The following JAK2 variants were observed in gnomAD, a reference collection of about 807,000 sequenced individuals.
The protein encoded by JAK2 is Janus kinase 2, also known as tyrosine-protein kinase JAK2.
A neutral mutation model predicts 139.3 loss-of-function variants in JAK2; 86 were observed. The observed-to-expected ratio is 0.62, with a 90% CI of 0.52 to 0.74. The LOEUF (loss-of-function observed/expected upper bound fraction) is 0.74, where lower values mean the gene tolerates loss of function less well. Ranked by LOEUF, JAK2 falls within the 30% of genes least tolerant of loss-of-function variation. The pLI is 0.00. For synonymous variants in JAK2, 490 were observed against 437.7 expected, an observed-to-expected ratio of 1.12 and a Z score of -1.49; for missense variants, 1,421 against 1,360.3, an observed-to-expected ratio of 1.04 and a Z score of -0.70.
intron 2 of JAK2, among the ~76,000 whole-genome samples, chr9:5,020,769 G>T (rs1488587912): frequency 6.6e-6 from 1 of 152,136 alleles, no homozygotes; most frequent in East Asian, 1.9e-4. Flanking sequence ...AATGGCTTGT[G>T]CTTTGGTCCC....
intron 3 of JAK2, 66 bp downstream of exon 3, chr9:5,022,279 C>T (rs1822481136): frequency 2.9e-6 from 3 of 1,029,376 alleles, no homozygotes; most frequent in East Asian, 4.8e-5. Flanking sequence ...TATGCTAATA[C>T]TAGGTACATG....
intron 23 of JAK2, among the ~76,000 whole-genome samples, chr9:5,124,237 G>T (rs573053972): frequency 1.3e-5 from 2 of 151,468 alleles, no homozygotes; most frequent in African/African-American, 4.8e-5. Flanking sequence ...GTCTATTTTT[G>T]GTTTTGTTGC....
intron 22 of JAK2, among the ~76,000 whole-genome samples, chr9:5,117,596 A>G (rs1335333982): frequency 6.6e-6 from 1 of 152,198 alleles, no homozygotes; most frequent in Non-Finnish European, 1.5e-5. Flanking sequence ...CTCTTATCAA[A>G]GTTTATTTTG....
intron 5 of JAK2, among the ~76,000 whole-genome samples, chr9:5,050,019 ACATGGCTATT>A (rs1817301897): frequency 1.3e-5 from 2 of 152,240 alleles, no homozygotes; most frequent in Non-Finnish European, 2.9e-5. Flanking sequence ...GTTATGGGGC[ACATGGCTATT>A]TCTTTGTATC....
chr9:5,076,230 G>T (rs887522801), intron 14 of JAK2, among the ~76,000 whole-genome samples: 2 of 152,204 alleles, frequency 1.3e-5, no homozygotes, highest in African/African-American at 4.8e-5. Flanking sequence ...AAACTTGATT[G>T]ATCAAGCAGT....
chr9:5,103,849 A>C (rs898642344), intron 22 of JAK2, among the ~76,000 whole-genome samples: 5 of 152,230 alleles, frequency 3.3e-5, no homozygotes, highest in African/African-American at 1.2e-4. Context: ...GACAGATATA[A>C]AGATGTTCTT....
chr9:5,115,215 C>G (rs887095879), intron 22 of JAK2, among the ~76,000 whole-genome samples: 3 of 151,872 alleles, frequency 2.0e-5, no homozygotes, highest in African/African-American at 7.3e-5. Context: ...AACAAGTTCA[C>G]AAGAAAAAAA....
chr9:5,033,790 C>G (rs1046469747), intron 4 of JAK2, among the ~76,000 whole-genome samples: 1 of 152,118 alleles, frequency 6.6e-6, no homozygotes, highest in African/African-American at 2.4e-5. Flanking sequence ...AAAAACACGC[C>G]AAATTGTAAA....
intron 22 of JAK2, chr9:5,098,384 C>G: frequency 6.6e-6 from 1 of 152,182 alleles, no homozygotes. Context: ...GCTACATCCC[C>G]TATCATAGAA....
At chr9:5,107,798 C>T (rs181624994) in intron 22 of JAK2, 3 of 152,198 alleles carry the variant, frequency 2.0e-5, no homozygotes, top group African/African-American at 7.2e-5. Context: ...ACATTTTACT[C>T]TAGCATCTAT....
intron 2 of JAK2, among the ~76,000 whole-genome samples, chr9:4,998,792 G>C (rs772324959): frequency 6.6e-5 from 10 of 151,712 alleles, no homozygotes; most frequent in Non-Finnish European, 1.5e-4. Context: ...ACATTTTGCA[G>C]AATAATTTAT....
At chr9:5,123,209 T>G (rs754192992) in intron 23 of JAK2, 88 bp downstream of exon 23, 9 of 749,864 alleles carry the variant, frequency 1.2e-5, no homozygotes, top group Non-Finnish European at 2.0e-5. Flanking sequence ...TTTTGCTACA[T>G]GCATACATTG....
Position 5,126,880 on chromosome 9 carries a change from A to G in JAK2, c.*89A>G, listed in dbSNP as rs1392247153. On this transcript the variant is annotated 3_prime_UTR_variant, in exon 25 of 25. Coordinates refer to ENST00000381652, the MANE Select transcript of JAK2 (RefSeq NM_004972.4). ...GCTGTGGACTATTATTACATATATC[A>G]TTATTATATAAATCATGATGCTAGC... 8.0e-6 allele frequency: 5 copies of G among 626,158 alleles called. No homozygotes were observed. Among genetic ancestry groups the G allele is most frequent in the East Asian group, 3.1e-5 (1 of 31,934 alleles). The allele number at this position is 626,158 out of a possible 1,614,324, so 38.8% of individuals were successfully genotyped here. A position where few individuals can be genotyped will look rare whatever the true frequency, so the allele number is the denominator to read the frequency against.
intron 3 of JAK2, among the ~76,000 whole-genome samples, chr9:5,025,582 G>T (rs1822731852): frequency 6.8e-6 from 1 of 147,646 alleles, no homozygotes; most frequent in African/African-American, 2.5e-5. Context: ...TGCCCAGGCT[G>T]GAGTGCAGCA....
Position 5,114,357 on chromosome 9 carries a change from T to A in JAK2, c.3060-8647T>A, listed in dbSNP as rs550524224. On this transcript the variant is annotated intron_variant, in intron 22 of 24. Coordinates refer to ENST00000381652, the MANE Select transcript of JAK2 (RefSeq NM_004972.4). ...GGTCATCCTAAGGCAAGAGAAGCAG[T>A]GCAATGGCACGTTCACCATCACGTC... The A allele has an allele frequency of 4.1e-5, 22 of 535,222 alleles. No individual in the cohort carries two copies. The Admixed American group carries it at 4.4e-4, about 11-fold the overall frequency. 33.2% of individuals were successfully genotyped at this position (535,222 alleles called of 1,614,324 possible). A position where few individuals can be genotyped will look rare whatever the true frequency, so the allele number is the denominator to read the frequency against.
chr9:5,023,504 G>T (rs1822573503), intron 3 of JAK2, among the ~76,000 whole-genome samples: 1 of 152,150 alleles, frequency 6.6e-6, no homozygotes, highest in African/African-American at 2.4e-5. Context: ...TCTCTGGGCA[G>T]CCCTCTATGT....
Position 5,126,776 on chromosome 9 carries a change from T to C in JAK2, c.3384T>C (p.Asp1128=), listed in dbSNP as rs755743070. Residue 1128 remains aspartate, a synonymous_variant, in exon 25 of 25, where the codon GAT becomes GAC. Coordinates refer to ENST00000381652, the MANE Select transcript of JAK2 (RefSeq NM_004972.4). ...CTCTTCGAGTGGATCAAATAAGGGA[T>C]AACATGGCTGGATGAAAGAAATGAC... ...DLALRVDQIR[D]NMAG 2.5e-6 allele frequency: 4 copies of C among 1,604,608 alleles called. No individual in the cohort carries two copies. Among genetic ancestry groups the C allele is most frequent in the Non-Finnish European group, 3.4e-6 (4 of 1,173,274 alleles).
chr9:5,027,779 C>T (rs1451760166), intron 3 of JAK2, among the ~76,000 whole-genome samples: 1 of 152,134 alleles, frequency 6.6e-6, no homozygotes, highest in Non-Finnish European at 1.5e-5. Flanking sequence ...CTCAAGAAAC[C>T]ACTTTCTTTG....
At chr9:5,063,083 C>G (rs1818299969) in intron 8 of JAK2, among the ~76,000 whole-genome samples, 1 of 152,064 alleles carries the variant, frequency 6.6e-6, no homozygotes, top group Non-Finnish European at 1.5e-5. Flanking sequence ...TCAAACATGT[C>G]ACATGCTTGT....
Sources: allele counts gnomAD v4.1 joint callset (sites outside exome capture counted in the v4.1 genomes callset), GRCh38; gene constraint gnomAD v4.1.1; transcripts MANE v1.5; gene names NCBI Gene and HGNC (gene_info 2026-07-23, HGNC 2026-07-21).